Variants in PCDHA7 observed in about 807,000 individuals in gnomAD.
The protein encoded by PCDHA7 is protocadherin alpha-7.
Under a neutral mutation model 57.2 loss-of-function variants are expected in PCDHA7, and 37 were observed. The ratio of observed to expected loss-of-function variants is 0.65; its 90% CI spans 0.50 to 0.85. PCDHA7 has a LOEUF of 0.85. PCDHA7 is among the 40% of genes least tolerant of loss of function. PCDHA7 has a pLI of 0.00. For synonymous variants in PCDHA7, 553 were observed against 558.8 expected (o/e 0.99, Z 0.15); for missense variants, 1,188 against 1,241.8 (o/e 0.96, Z 0.65).
intron 2 of PCDHA7, among the ~76,000 whole-genome samples, chr5:140,979,710 A>C (rs1178718053): frequency 1.3e-5 from 2 of 152,268 alleles, no homozygotes; most frequent in African/African-American, 4.8e-5. Flanking sequence ...GAGGTGATCC[A>C]GTATCCATGC....
chr5:140,882,331 C>T, intron 1 of PCDHA7: 3 of 1,614,214 alleles, frequency 1.9e-6, no homozygotes, highest in South Asian at 2.2e-5. Flanking sequence ...TTCTGATCCT[C>T]GCAGCCTGGG....
At chr5:140,850,282 C>T (rs2150477546) in intron 1 of PCDHA7, 2 of 1,595,502 alleles carry the variant, frequency 1.3e-6, no homozygotes, top group African/African-American at 2.7e-5. Context: ...AAGGTGCGCG[C>T]AGTGGACGCC....
At chr5:140,886,599 G>A (rs1370842751) in intron 1 of PCDHA7, among the ~76,000 whole-genome samples, 1 of 151,940 alleles carries the variant, frequency 6.6e-6, no homozygotes, top group African/African-American at 2.4e-5. Flanking sequence ...AGGCCAAGGT[G>A]GGCGGATCAG....
In PCDHA7 at chr5:140,849,585, C is replaced by A. The variant is rs147876741; in HGVS notation, c.2355+12847C>A. 8 of 1,598,624 alleles carry A rather than the reference C, an allele frequency of 5.0e-6. No homozygotes were observed. Among genetic ancestry groups the A allele is most frequent in the Admixed American group, 3.4e-5 (2 of 59,262 alleles). ...CTCGGTTCCTGTAAAAGAGGACGCA[C>A]AACTGGGGACAGTTATTGCCCTGAT... is the stretch of plus-strand genomic sequence containing the variant. On this transcript the variant is annotated intron_variant, in intron 1 of 3. Transcript: ENST00000525929.
chr5:140,850,140 G>C (rs2150469344), intron 1 of PCDHA7: 2 of 1,595,708 alleles, frequency 1.3e-6, no homozygotes, highest in East Asian at 2.2e-5. Flanking sequence ...GGGCAGCAAC[G>C]TGACGCTGCA....
At chr5:140,870,053 T>C (rs782629825) in intron 1 of PCDHA7, 4 of 1,613,810 alleles carry the variant, frequency 2.5e-6, no homozygotes, top group Middle Eastern at 1.6e-4. Context: ...TTTTATAAAA[T>C]TGAAGTACAG....
chr5:140,849,329 T>A (rs1581180148), intron 1 of PCDHA7: 2 of 1,371,780 alleles, frequency 1.5e-6, no homozygotes, highest in East Asian at 4.8e-5. Flanking sequence ...GGGATATTAT[T>A]TACTCCTTCT....
At chr5:140,863,770 G>C (rs953823411) in intron 1 of PCDHA7, 1 of 240,010 alleles carries the variant, frequency 4.2e-6, no homozygotes, top group African/African-American at 2.3e-5. Context: ...AAGCCGAGGC[G>C]GGCGGATCAC....
rs550922282 is a variant in PCDHA7, at chr5:140,927,864, T to C, written c.2356-51085T>C. On this transcript the variant is annotated intron_variant, in intron 1 of 3. Transcript: ENST00000525929. The stretch of plus-strand genomic sequence containing the variant: ...GTGTCTTTGGTTTAGCTAGCACCGC[T>C]AAACTGCTGGTGGAGGTGACTGACG... The C allele has an allele frequency of 6.8e-6, 11 of 1,614,200 alleles. No homozygotes were observed. In the South Asian group the frequency reaches 1.2e-4, roughly 18 times the overall value.
At chr5:140,988,698 A>AT (rs782470160) in intron 3 of PCDHA7, among the ~76,000 whole-genome samples, 115 of 152,234 alleles carry the variant, frequency 7.6e-4, no homozygotes, top group Middle Eastern at 6.8e-3. Flanking sequence ...GACGCTCTGT[A>AT]TTTTCTTGGA....
intron 3 of PCDHA7, among the ~76,000 whole-genome samples, chr5:141,002,322 G>A (rs1477526091): frequency 6.6e-6 from 1 of 152,190 alleles, no homozygotes; most frequent in South Asian, 2.1e-4. Context: ...CCTGGAGGCC[G>A]GGCTGCATCC....
chr5:140,915,281 C>T (rs1554196839), intron 1 of PCDHA7, among the ~76,000 whole-genome samples: 2 of 152,090 alleles, frequency 1.3e-5, no homozygotes, highest in Non-Finnish European at 2.9e-5. Flanking sequence ...TCATCATTTA[C>T]TCTTTCTACT....
chr5:140,875,349 C>T lies in PCDHA7; in HGVS notation c.2355+38611C>T, dbSNP rs113418307. The T allele has an allele frequency of 9.7e-4, 1,402 of 1,444,894 alleles. 9 individuals carry two copies. In the African/African-American group the frequency reaches 0.018, roughly 18 times the overall value. 89.5% of individuals were successfully genotyped at this position (1,444,894 alleles called of 1,614,324 possible). A position where few individuals can be genotyped will look rare whatever the true frequency, so the allele number is the denominator to read the frequency against. ...CGGAATAGGATCGACTCCATAATGA[C>T]TGTGATGCTGGAAAAAATTTACTAA... On this transcript the variant is annotated intron_variant, in intron 1 of 3. Coordinates refer to ENST00000525929, the MANE Select transcript of PCDHA7 (RefSeq NM_018910.3).
chr5:140,882,577 C>G, intron 1 of PCDHA7: 3 of 1,614,238 alleles, frequency 1.9e-6, no homozygotes, highest in Non-Finnish European at 2.5e-6. Flanking sequence ...CGGAGTGCAG[C>G]ATCCACCTGG....
chr5:140,881,803 T>A (rs574659861), intron 1 of PCDHA7, among the ~76,000 whole-genome samples: 5 of 152,058 alleles, frequency 3.3e-5, no homozygotes, highest in Non-Finnish European at 7.3e-5. Context: ...CCAAAACGAG[T>A]GTCGAATATT....
intron 1 of PCDHA7, among the ~76,000 whole-genome samples, chr5:140,944,623 T>C (rs535315515): frequency 6.6e-6 from 1 of 152,320 alleles, no homozygotes; most frequent in East Asian, 1.9e-4. Flanking sequence ...AGAAGTATAG[T>C]GTTGTAAGCC....
At chr5:140,915,781 A>C (rs2153536351) in intron 1 of PCDHA7, among the ~76,000 whole-genome samples, 1 of 152,104 alleles carries the variant, frequency 6.6e-6, no homozygotes, top group South Asian at 2.1e-4. Flanking sequence ...GGCCTGCTGT[A>C]ACCACTACCT....
intron 1 of PCDHA7, chr5:140,862,939 T>G (rs2047666977): frequency 1.8e-6 from 1 of 541,782 alleles, no homozygotes; most frequent in South Asian, 1.4e-5. Flanking sequence ...GCGCTGTGAG[T>G]GAGCTGGTGC....
At chr5:140,876,028 A>G in intron 1 of PCDHA7, 1 of 1,613,716 alleles carries the variant, frequency 6.2e-7, no homozygotes, top group Non-Finnish European at 8.5e-7. Flanking sequence ...AAAAACAAAA[A>G]AAGATAAAAG....
Sources: gnomAD v4.1 joint callset for allele counts (sites outside exome capture counted in the v4.1 genomes callset) on GRCh38, gnomAD v4.1.1 for gene constraint, MANE v1.5 for transcripts, NCBI Gene and HGNC (gene_info 2026-07-23, HGNC 2026-07-21) for gene names.